The following PHF14 variants were observed in gnomAD, a reference collection of about 807,000 sequenced individuals.
PHF14 encodes PHD finger protein 14.
A neutral mutation model predicts 117.9 loss-of-function variants in PHF14; 55 were observed. The observed-to-expected ratio is 0.47, with a 90% CI of 0.38 to 0.58. The LOEUF is 0.58. PHF14 is among the 20% of genes least tolerant of loss of function. The pLI, the probability that PHF14 is intolerant of heterozygous loss-of-function variation, is 0.00. For synonymous variants in PHF14, 409 were observed against 368.6 expected (o/e 1.11, Z -1.26); for missense variants, 978 against 1,122.2 (o/e 0.87, Z 1.84).
At chr7:11,000,723 G>A (rs1782835440) in intron 4 of PHF14, among the ~76,000 whole-genome samples, 1 of 152,004 alleles carries the variant, frequency 6.6e-6, no homozygotes, top group Admixed American at 6.6e-5. Flanking sequence ...TTTTCTTATT[G>A]TTAAGTTTTA....
intron 7 of PHF14, among the ~76,000 whole-genome samples, chr7:11,031,170 A>G (rs1378309308): frequency 2.0e-5 from 3 of 151,666 alleles, no homozygotes; most frequent in Non-Finnish European, 2.9e-5. Flanking sequence ...CTACTTTTTC[A>G]TGGTGGTTTT....
chr7:11,164,853 C>G (rs1168400415), intron 17 of PHF14, among the ~76,000 whole-genome samples: 1 of 152,188 alleles, frequency 6.6e-6, no homozygotes, highest in Non-Finnish European at 1.5e-5. Context: ...GGATTCCTCA[C>G]TGCATTCAGT....
At position 11,130,103 on chromosome 7, in the gene PHF14, T is replaced by C. The variant is rs943041948; in HGVS notation, c.2772+18636T>C. On this transcript the variant is annotated intron_variant, in intron 17 of 17. Coordinates refer to ENST00000634607, the MANE Select transcript of PHF14 (RefSeq NM_001007157.2). The surrounding 1 kb of genome is among the most constrained non-coding windows in gnomAD (Gnocchi z 4.2). Reference sequence around the variant, plus strand: ...GACAGAGCAGCTCTGCTCATTATAGTCACTTGGGGACCCGAGCTGATGGAG... The same window carrying C: ...GACAGAGCAGCTCTGCTCATTATAGCCACTTGGGGACCCGAGCTGATGGAG... Among the ~76,000 whole-genome samples the C allele has an allele frequency of 6.6e-5, 10 of 152,030 alleles. No homozygotes were observed. Among genetic ancestry groups the C allele is most frequent in the African/African-American group, 2.4e-4 (10 of 41,416 alleles).
intron 3 of PHF14, among the ~76,000 whole-genome samples, chr7:10,990,387 G>A (rs1318358683): frequency 1.3e-5 from 2 of 152,044 alleles, no homozygotes; most frequent in Non-Finnish European, 2.9e-5. Context: ...TAGTTTAAGG[G>A]GCAAAGCAGA....
chr7:11,043,000 A>G (rs1464135733), intron 13 of PHF14, among the ~76,000 whole-genome samples, 186 bp downstream of exon 13: 1 of 151,960 alleles, frequency 6.6e-6, no homozygotes, highest in Non-Finnish European at 1.5e-5. Flanking sequence ...TGAGTTTTTC[A>G]TTAATTGTGG....
intron 17 of PHF14, among the ~76,000 whole-genome samples, chr7:11,166,171 T>G (rs550573531): frequency 3.5e-4 from 54 of 152,302 alleles, no homozygotes; most frequent in Non-Finnish European, 7.8e-4. Flanking sequence ...GCCTGTCTAC[T>G]TTCCAGTAGC....
chr7:11,102,630 T>G, intron 16 of PHF14: 1 of 1,523,904 alleles, frequency 6.6e-7, no homozygotes, highest in Non-Finnish European at 8.8e-7. Context: ...TTGTCCTTTC[T>G]ATAAGCTTGT....
At chr7:11,027,384 T>C (rs796248938) in intron 6 of PHF14, among the ~76,000 whole-genome samples, 19 of 152,280 alleles carry the variant, frequency 1.2e-4, no homozygotes, top group African/African-American at 4.1e-4. Flanking sequence ...TTCCTTCTTA[T>C]GTAGTTCACT....
intron 5 of PHF14, among the ~76,000 whole-genome samples, chr7:11,015,374 C>G (rs932424190): frequency 1.3e-5 from 2 of 152,056 alleles, no homozygotes; most frequent in Non-Finnish European, 2.9e-5. Context: ...ACTAAAGAAT[C>G]TTACCTCTTC....
Position 11,028,711 on chromosome 7 carries a change from G to A in PHF14, c.1348G>A (p.Ala450Thr), listed in dbSNP as rs774602015. ...TAGCTTTTGTGAAGACCCTCGCTTT[G>A]CTAGAACTGGGGTTTGCATTAGCTG... is the stretch of plus-strand genomic sequence containing the variant. ...ECSFCEDPRF[A>T]RTGVCISCDA... Residue 450 changes from alanine to threonine, a missense_variant, in exon 7 of 18, where the codon GCT becomes ACT. Coordinates refer to ENST00000634607, the MANE Select transcript of PHF14 (RefSeq NM_001007157.2). 1.9e-5 allele frequency: 31 copies of A among 1,613,672 alleles called. No individual in the cohort carries two copies. The highest frequency in any genetic ancestry group is 2.6e-5 in the Non-Finnish European group (31 of 1,179,706).
intron 16 of PHF14, chr7:11,063,467 G>C (rs1301944561): frequency 1.0e-6 from 1 of 981,224 alleles, no homozygotes; most frequent in Admixed American, 6.2e-5. Context: ...TTTAATTCAG[G>C]AAAATTCCCT....
intron 17 of PHF14, among the ~76,000 whole-genome samples, chr7:11,135,045 C>T (rs965400845): frequency 2.0e-5 from 3 of 152,126 alleles, no homozygotes; most frequent in African/African-American, 7.2e-5. Flanking sequence ...CAATATCCCT[C>T]ATTGCATCTG....
chr7:11,043,462 A>C (rs1346336025), intron 13 of PHF14, among the ~76,000 whole-genome samples: 2 of 152,120 alleles, frequency 1.3e-5, no homozygotes, highest in Non-Finnish European at 2.9e-5. Context: ...CTTTGGAATG[A>C]ACATGAATAT....
intron 13 of PHF14, 141 bp from the exon 14 acceptor site, chr7:11,051,471 A>C (rs1376840452): frequency 3.2e-6 from 2 of 634,444 alleles, no homozygotes; most frequent in Non-Finnish European, 2.6e-6. Flanking sequence ...ATGTTTTTTC[A>C]TTATGTACCC....
chr7:11,100,442 A>G (rs544674243), intron 16 of PHF14, among the ~76,000 whole-genome samples: 2 of 152,088 alleles, frequency 1.3e-5, no homozygotes, highest in African/African-American at 4.8e-5. Context: ...AAGAGAGGTA[A>G]CTGGGGTACA....
intron 4 of PHF14, among the ~76,000 whole-genome samples, chr7:10,995,094 T>G (rs1405669402): frequency 3.3e-5 from 5 of 152,208 alleles, no homozygotes; most frequent in African/African-American, 9.6e-5. Flanking sequence ...GAGCACTGAT[T>G]GGTGCATTTA....
chr7:11,112,677 A>G (rs1787485324), intron 17 of PHF14, among the ~76,000 whole-genome samples: 1 of 152,232 alleles, frequency 6.6e-6, no homozygotes, highest in African/African-American at 2.4e-5. Context: ...AGGCTGAGGC[A>G]GGAGAATCAC....
At chr7:11,074,113 A>G (rs1196140472) in intron 16 of PHF14, among the ~76,000 whole-genome samples, 2 of 151,684 alleles carry the variant, frequency 1.3e-5, no homozygotes, top group Non-Finnish European at 2.9e-5. Context: ...GGCTATTATC[A>G]TTTGTCTCTT....
chr7:11,111,200 C>A, intron 16 of PHF14, 150 bp from the exon 17 acceptor site: 1 of 489,116 alleles, frequency 2.0e-6, no homozygotes, highest in Non-Finnish European at 3.6e-6. Flanking sequence ...CCTTTATCAT[C>A]ATCATTAATT....
Sources: gnomAD v4.1 joint callset for allele counts (sites outside exome capture counted in the v4.1 genomes callset) on GRCh38, gnomAD v4.1.1 for gene constraint, Gnocchi (gnomAD v3.1) non-coding constraint, MANE v1.5 for transcripts, NCBI Gene and HGNC (gene_info 2026-07-23, HGNC 2026-07-21) for gene names.